The following IDE variants were observed in gnomAD, a reference collection of about 807,000 sequenced individuals.
IDE encodes insulin degrading enzyme, also known as insulin-degrading enzyme.
A neutral mutation model predicts 133.2 loss-of-function variants in IDE; 58 were observed. The ratio of observed to expected loss-of-function variants is 0.44; its 90% CI spans 0.35 to 0.54. IDE has a LOEUF of 0.54. Among genes scored for constraint, IDE ranks in the 20% least tolerant of loss-of-function variants. IDE has a pLI of 0.00. For synonymous variants in IDE, 396 were observed against 421.3 expected (o/e 0.94, Z 0.73); for missense variants, 981 against 1,234.0 (o/e 0.79, Z 3.07).
chr10:92,539,540 C>A (rs867314889), intron 1 of IDE, among the ~76,000 whole-genome samples: 1 of 151,846 alleles, frequency 6.6e-6, no homozygotes, highest in Non-Finnish European at 1.5e-5. Flanking sequence ...CTGAGACGGG[C>A]GGATCACAAG....
At chr10:92,510,726 C>A (rs1242912049) in intron 5 of IDE, among the ~76,000 whole-genome samples, 1 of 150,610 alleles carries the variant, frequency 6.6e-6, no homozygotes, top group African/African-American at 2.4e-5. Flanking sequence ...TCACATACAT[C>A]TCACATGTAT....
rs767032037 is a variant in IDE, at chr10:92,515,084, T to A, written c.662-42A>T. ...GGGATTTCTTAGAAAAAGCAAAATATGTGGACTTTTAAAGTTTTGTAATTA... is the reference window on the plus strand; with the variant it reads ...GGGATTTCTTAGAAAAAGCAAAATAAGTGGACTTTTAAAGTTTTGTAATTA... On this transcript the variant is annotated intron_variant, in intron 4 of 24. Coordinates refer to ENST00000265986, the MANE Select transcript of IDE (RefSeq NM_004969.4). 3.3e-6 allele frequency: 5 copies of A among 1,527,606 alleles called. No homozygotes were observed. In the East Asian group the frequency reaches 1.1e-4, roughly 35 times the overall value. 94.6% of individuals were successfully genotyped at this position (1,527,606 alleles called of 1,614,324 possible). A position where few individuals can be genotyped will look rare whatever the true frequency, so the allele number is the denominator to read the frequency against.
chr10:92,492,791 G>GC (rs1847439001), intron 11 of IDE, among the ~76,000 whole-genome samples: 1 of 152,040 alleles, frequency 6.6e-6, no homozygotes, highest in African/African-American at 2.4e-5. Flanking sequence ...CCAAATACCT[G>GC]CCCCTTGTTG....
intron 1 of IDE, among the ~76,000 whole-genome samples, chr10:92,566,407 T>TCACACA (rs879368086): frequency 2.0e-4 from 28 of 141,728 alleles, no homozygotes; most frequent in African/African-American, 7.0e-4. Context: ...TCTCTCTCTC[T>TCACACA]CTCTCTCACA....
rs932846947 is a variant in IDE at position 92,555,278 on chromosome 10, A to C, written c.99-17728T>G. On this transcript the variant is annotated intron_variant, in intron 1 of 24. Coordinates refer to ENST00000265986, the MANE Select transcript of IDE (RefSeq NM_004969.4). The stretch of plus-strand genomic sequence containing the variant: ...CTTTGGGAGCTGAGATGGGGGGATC[A>C]CCAGAGGCCAGGAGTTCAAGACCAG... Among the ~76,000 whole-genome samples the C allele has an allele frequency of 4.6e-5, 7 of 152,224 alleles. No homozygotes were observed. In the East Asian group the frequency reaches 1.4e-3, roughly 29 times the overall value.
intron 1 of IDE, among the ~76,000 whole-genome samples, chr10:92,537,993 C>G (rs1479319204): frequency 6.6e-6 from 1 of 151,858 alleles, no homozygotes; most frequent in Non-Finnish European, 1.5e-5. Flanking sequence ...TGTCTCAGTC[C>G]CCCCAAGCAG....
chr10:92,482,471 G>A (rs1470087793), intron 14 of IDE, among the ~76,000 whole-genome samples: 1 of 152,112 alleles, frequency 6.6e-6, no homozygotes, highest in African/African-American at 2.4e-5. Flanking sequence ...AGAAATAGAG[G>A]AAGCAGTATC....
intron 15 of IDE, among the ~76,000 whole-genome samples, chr10:92,477,229 T>C (rs922543483): frequency 1.3e-5 from 2 of 152,176 alleles, no homozygotes; most frequent in African/African-American, 4.8e-5. Flanking sequence ...CTCGGCTGAC[T>C]GCAACTTCTG....
chr10:92,572,143 T>G (rs778735820), intron 1 of IDE, among the ~76,000 whole-genome samples: 11 of 152,230 alleles, frequency 7.2e-5, no homozygotes, highest in Non-Finnish European at 1.6e-4. Context: ...AAATGTAATT[T>G]TAACTAGAAC....
intron 11 of IDE, among the ~76,000 whole-genome samples, chr10:92,499,087 T>C (rs939610773): frequency 6.6e-6 from 1 of 152,274 alleles, no homozygotes; most frequent in African/African-American, 2.4e-5. Flanking sequence ...TTAGTGTGTG[T>C]TCTGGGTATT....
chr10:92,518,996 G>A (rs987566740), intron 4 of IDE, among the ~76,000 whole-genome samples: 5 of 152,082 alleles, frequency 3.3e-5, no homozygotes, highest in African/African-American at 1.2e-4. Flanking sequence ...TCTGGCAAAT[G>A]TCTGTGTACC....
chr10:92,516,110 G>C (rs781664362), intron 4 of IDE, among the ~76,000 whole-genome samples: 2 of 147,786 alleles, frequency 1.4e-5, no homozygotes, highest in Admixed American at 1.3e-4. Flanking sequence ...CAGAAGTTGC[G>C]GTGAGCCGAA....
At chr10:92,556,179 C>CAAAAAAAAAAAAAAAAAAAA (rs60008680) in intron 1 of IDE, among the ~76,000 whole-genome samples, 1 of 69,208 alleles carries the variant, frequency 1.4e-5, no homozygotes, top group African/African-American at 5.8e-5. Flanking sequence ...GACTCCGTCT[C>CAAAAAAAAAAAAAAAAAAAA]AAAAAAAAAA....
intron 4 of IDE, among the ~76,000 whole-genome samples, chr10:92,524,426 ATATATTT>A (rs1201892214): frequency 1.4e-5 from 1 of 73,978 alleles, no homozygotes; most frequent in Admixed American, 2.5e-4. Context: ...ATTATATATA[ATATATTT>A]TATATAATAT....
In IDE at chr10:92,472,904, T is replaced by C. The variant is rs369766027; in HGVS notation, c.2116+1937A>G. ...GCCCGCCTCGGCCTCCCAAAGTTGCTGAGATTACAGGCGTGAGCCACCATG... is the reference window on the plus strand; with the variant it reads ...GCCCGCCTCGGCCTCCCAAAGTTGCCGAGATTACAGGCGTGAGCCACCATG... On this transcript the variant is annotated intron_variant, in intron 17 of 24. Transcript: ENST00000265986. 1.0e-4 allele frequency among the ~76,000 whole-genome samples: 15 copies of C among 150,498 alleles called. No homozygotes were observed. The East Asian group carries it at 2.8e-3, about 28-fold the overall frequency.
intron 1 of IDE, among the ~76,000 whole-genome samples, chr10:92,556,179 CAAA>C (rs60008680): frequency 1.4e-5 from 1 of 69,210 alleles, no homozygotes; most frequent in Non-Finnish European, 2.5e-5. Context: ...GACTCCGTCT[CAAA>C]AAAAAAAAAA....
chr10:92,536,121 G>A (rs983872665), intron 2 of IDE, among the ~76,000 whole-genome samples: 4 of 151,996 alleles, frequency 2.6e-5, no homozygotes, highest in Non-Finnish European at 5.9e-5. Flanking sequence ...GGTGGCTCTC[G>A]CCTATAATCC....
rs2135843073 is a variant in IDE, at chr10:92,568,069, C to T, written c.98+5853G>A. 2.0e-5 allele frequency among the ~76,000 whole-genome samples: 3 copies of T among 152,312 alleles called. No individual in the cohort carries two copies. The South Asian group carries it at 6.2e-4, about 32-fold the overall frequency. ...AATCCTATGTTCTCTGCAAAGCTCT[C>T]GCCATTCTTACTAGCAGCAGGGTGT... On this transcript the variant is annotated intron_variant, in intron 1 of 24. Transcript: ENST00000265986.
intron 19 of IDE, among the ~76,000 whole-genome samples, chr10:92,466,230 CAAAAAA>C (rs59698259): frequency 5.7e-5 from 4 of 69,998 alleles, no homozygotes; most frequent in African/African-American, 1.3e-4. Context: ...GACCCTGTCT[CAAAAAA>C]AAAAAAAAAA....
Sources: allele counts gnomAD v4.1 joint callset (sites outside exome capture counted in the v4.1 genomes callset), GRCh38; gene constraint gnomAD v4.1.1; transcripts MANE v1.5; gene names NCBI Gene and HGNC (gene_info 2026-07-23, HGNC 2026-07-21).